ITSN2: variants seen among roughly 807,000 people sequenced by gnomAD.
The protein encoded by ITSN2 is intersectin 2.
A neutral mutation model predicts 243.7 loss-of-function variants in ITSN2; 156 were observed. That is an observed-to-expected ratio of 0.64 (90% CI 0.56 to 0.73). The LOEUF (loss-of-function observed/expected upper bound fraction) is 0.73. Ranked by LOEUF, ITSN2 falls within the 30% of genes least tolerant of loss-of-function variation. The pLI is 0.00. For synonymous variants in ITSN2, 703 were observed against 699.9 expected, an observed-to-expected ratio of 1.00 and a Z score of -0.07; for missense variants, 1,801 against 1,996.1, an observed-to-expected ratio of 0.90 and a Z score of 1.86.
At chr2:24,238,733 A>G (rs1672430851) in intron 29 of ITSN2, among the ~76,000 whole-genome samples, 1 of 152,210 alleles carries the variant, frequency 6.6e-6, no homozygotes, top group Admixed American at 6.5e-5. Context: ...ACATATGATT[A>G]TCTCCAATCA....
At chr2:24,248,107 G>GAACCC (rs1195341177) in intron 27 of ITSN2, among the ~76,000 whole-genome samples, 2 of 151,696 alleles carry the variant, frequency 1.3e-5, no homozygotes, top group African/African-American at 4.8e-5. Context: ...AGTGAGAGAA[G>GAACCC]AACCCTTTTC....
intron 37 of ITSN2, among the ~76,000 whole-genome samples, chr2:24,207,130 C>T (rs1050078620): frequency 6.6e-6 from 1 of 152,008 alleles, no homozygotes; most frequent in Non-Finnish European, 1.5e-5. Flanking sequence ...AGGGAAGATA[C>T]TTCAGCAGGA....
chr2:24,350,850 A>C (rs1687955730), intron 1 of ITSN2, among the ~76,000 whole-genome samples: 1 of 152,194 alleles, frequency 6.6e-6, no homozygotes, highest in Non-Finnish European at 1.5e-5. Context: ...AGCGGTGTTG[A>C]GGGAGATGGA....
intron 29 of ITSN2, among the ~76,000 whole-genome samples, chr2:24,238,067 G>T (rs79381135): frequency 0.019 from 2,846 of 152,136 alleles, 41 homozygotes; most frequent in Non-Finnish European, 0.03. Context: ...ACCAAATCTG[G>T]CTTATTGCTA....
chr2:24,357,482 C>A (rs2255539), intron 1 of ITSN2, among the ~76,000 whole-genome samples: 147,827 of 152,120 alleles, frequency 0.97, 71,836 homozygotes, highest in East Asian at 0.99. Flanking sequence ...TGTGGGGGGG[C>A]AATGAGGGAA....
chr2:24,276,758 C>T (rs916034825), intron 17 of ITSN2, among the ~76,000 whole-genome samples: 5 of 152,240 alleles, frequency 3.3e-5, no homozygotes, highest in Admixed American at 6.5e-5. Context: ...TACTTCCCTG[C>T]TCAGAAACGA....
At chr2:24,221,283 T>A (rs1670427928) in intron 29 of ITSN2, 8 of 513,262 alleles carry the variant, frequency 1.6e-5, no homozygotes, top group Middle Eastern at 5.0e-4. Context: ...ATCAGCAATG[T>A]CTGTAACATT....
At chr2:24,213,649 G>A (rs1049904021) in intron 32 of ITSN2, among the ~76,000 whole-genome samples, 2 of 152,182 alleles carry the variant, frequency 1.3e-5, no homozygotes, top group African/African-American at 4.8e-5. Context: ...GGCCTTTCAT[G>A]AGGCAGTATT....
chr2:24,230,021 T>G (rs1006551024), intron 29 of ITSN2, among the ~76,000 whole-genome samples: 4 of 152,230 alleles, frequency 2.6e-5, no homozygotes, highest in Admixed American at 6.5e-5. Context: ...TCATGGCTTA[T>G]TTATGTACTG....
intron 23 of ITSN2, among the ~76,000 whole-genome samples, chr2:24,257,255 G>C (rs554912861): frequency 1.3e-5 from 2 of 152,112 alleles, no homozygotes; most frequent in African/African-American, 2.4e-5. Flanking sequence ...GGGTGGTCGA[G>C]GCTGCAGTGA....
intron 20 of ITSN2, among the ~76,000 whole-genome samples, chr2:24,270,322 T>C (rs981434113): frequency 1.3e-5 from 2 of 152,232 alleles, no homozygotes; most frequent in African/African-American, 4.8e-5. Flanking sequence ...TGTATCCAGT[T>C]AGGGCTGTGG....
At chr2:24,217,035 G>T (rs914613733) in intron 31 of ITSN2, among the ~76,000 whole-genome samples, 2 of 150,706 alleles carry the variant, frequency 1.3e-5, no homozygotes, top group African/African-American at 4.9e-5. Context: ...AGCGAGCCGA[G>T]ATCGCGCCAC....
intron 18 of ITSN2, 46 bp downstream of exon 18, chr2:24,275,667 C>T (rs368987377): frequency 1.2e-5 from 18 of 1,486,068 alleles, no homozygotes; most frequent in African/African-American, 4.2e-5. Flanking sequence ...AACAAAATTA[C>T]AATTCTAATG....
intron 10 of ITSN2, 62 bp downstream of exon 10, chr2:24,301,903 T>G (rs1681798324): frequency 1.4e-6 from 2 of 1,445,648 alleles, no homozygotes; most frequent in African/African-American, 2.9e-5. Flanking sequence ...TATTTAACTC[T>G]CTTCTAAATC....
At chr2:24,320,658 G>T (rs2702041) in intron 2 of ITSN2, among the ~76,000 whole-genome samples, 147,413 of 150,488 alleles carry the variant, frequency 0.98, 72,200 homozygotes, top group East Asian at 0.99. Context: ...AAGGCTGCAG[G>T]GAGCACTGAT....
intron 15 of ITSN2, among the ~76,000 whole-genome samples, chr2:24,290,798 T>G (rs1379377282): frequency 1.3e-5 from 2 of 152,204 alleles, no homozygotes; most frequent in Non-Finnish European, 2.9e-5. Flanking sequence ...TCTTCTAGAC[T>G]CTATTCAATT....
intron 8 of ITSN2, among the ~76,000 whole-genome samples, chr2:24,308,185 G>C (rs1486552084): frequency 1.3e-5 from 2 of 152,184 alleles, no homozygotes; most frequent in African/African-American, 2.4e-5. Flanking sequence ...ATTTGGGTTA[G>C]AGCATTAAAG....
chr2:24,224,150 G>A (rs1470262901), intron 29 of ITSN2, among the ~76,000 whole-genome samples: 1 of 152,150 alleles, frequency 6.6e-6, no homozygotes. Context: ...GTGGCCAGGT[G>A]ATTGATGGAG....
intron 37 of ITSN2, among the ~76,000 whole-genome samples, chr2:24,206,836 G>T (rs12463916): frequency 4.6e-5 from 7 of 151,944 alleles, no homozygotes; most frequent in African/African-American, 1.7e-4. Flanking sequence ...ACAGCGGGGG[G>T]TCCAGGTAGA....
Sources: gnomAD v4.1 joint callset for allele counts (sites outside exome capture counted in the v4.1 genomes callset) on GRCh38, gnomAD v4.1.1 for gene constraint, MANE v1.5 for transcripts, NCBI Gene and HGNC (gene_info 2026-07-23, HGNC 2026-07-21) for gene names.